PLB1: variants seen among roughly 807,000 people sequenced by gnomAD.
PLB1 encodes phospholipase B1.
A neutral mutation model predicts 227.4 loss-of-function variants in PLB1; 242 were observed. The observed-to-expected ratio is 1.06, with a 90% CI of 0.96 to 1.18. The LOEUF (loss-of-function observed/expected upper bound fraction) is 1.18, where lower values mean the gene tolerates loss of function less well. PLB1 is among the 50% of genes most tolerant of loss of function. PLB1 has a pLI of 0.00. For missense variants in PLB1, 1,858 were observed against 1,816.3 expected (o/e 1.02, Z -0.42); for synonymous variants, 757 against 682.2 (o/e 1.11, Z -1.71).
chr2:28,637,541 TC>T (rs1328114492), intron 56 of PLB1, among the ~76,000 whole-genome samples: 3 of 152,048 alleles, frequency 2.0e-5, no homozygotes, highest in Non-Finnish European at 4.4e-5. Context: ...CTTTCAAACT[TC>T]CAAAGCCTCC....
In PLB1 at chr2:28,644,080, T is replaced by C. The variant is rs1558990877; in HGVS notation, c.*1019T>C. Among the ~76,000 whole-genome samples the C allele has an allele frequency of 6.6e-6, 1 of 152,226 alleles. No individual in the cohort carries two copies. Among genetic ancestry groups the C allele is most frequent in the Non-Finnish European group, 1.5e-5 (1 of 68,044 alleles). ...ACGCCGCAAATTGTTCCATTTAAAATGATTAATTGTGTATCATGTGAATTT... is the reference window on the plus strand; with the variant it reads ...ACGCCGCAAATTGTTCCATTTAAAACGATTAATTGTGTATCATGTGAATTT... On this transcript the variant is annotated 3_prime_UTR_variant, in exon 58 of 58. Transcript: ENST00000327757.
At chr2:28,550,904 A>G (rs4666092) in intron 16 of PLB1, among the ~76,000 whole-genome samples, 134,328 of 152,130 alleles carry the variant, frequency 0.88, 59,654 homozygotes, top group East Asian at 0.99. Flanking sequence ...GTCTGCTACT[A>G]ACCGCTGATG....
Position 28,511,970 on chromosome 2 carries a change from T to TTA in PLB1, c.56-4838_56-4837insTA, listed in dbSNP as rs397747305. ...TGGCTAACTTTTTTTTTTTTTTTTTTAGTAGAGATGAGGTTTCACCATGTT... is the reference window on the plus strand; with the variant it reads ...TGGCTAACTTTTTTTTTTTTTTTTTTTAAGTAGAGATGAGGTTTCACCATGTT... On this transcript the variant is annotated intron_variant, in intron 1 of 57. Transcript: ENST00000327757. Among the ~76,000 whole-genome samples the TTA allele has an allele frequency of 1.5e-4, 22 of 149,354 alleles. No individual in the cohort carries two copies. In the East Asian group the frequency reaches 3.5e-3, roughly 24 times the overall value.
At chr2:28,548,079 C>T (rs1029753256) in intron 14 of PLB1, among the ~76,000 whole-genome samples, 4 of 152,018 alleles carry the variant, frequency 2.6e-5, no homozygotes, top group African/African-American at 7.3e-5. Context: ...GATACTCTAG[C>T]GGTTTGTGAG....
intron 33 of PLB1, among the ~76,000 whole-genome samples, chr2:28,597,264 GAA>G (rs57713254): frequency 8.2e-5 from 7 of 85,534 alleles, no homozygotes; most frequent in Admixed American, 1.5e-4. Context: ...ACTCCGTCTC[GAA>G]AAAAAAAAAA....
At chr2:28,571,415 T>G (rs1174779548) in intron 20 of PLB1, among the ~76,000 whole-genome samples, 1 of 152,184 alleles carries the variant, frequency 6.6e-6, no homozygotes, top group Admixed American at 6.5e-5. Context: ...CCTATCAAAA[T>G]TCCAGCTAGC....
In PLB1 at chr2:28,518,879, A is replaced by G. The variant is rs150175199; in HGVS notation, c.184+347A>G. 2.5e-4 allele frequency among the ~76,000 whole-genome samples: 38 copies of G among 152,242 alleles called. 1 individual carries two copies. Among genetic ancestry groups the G allele is most frequent in the African/African-American group, 8.9e-4 (37 of 41,524 alleles). ...CACAATGGGCTGGGTTTGTCTAATG[A>G]CCTGGATGCTATGAATTCTCTTGAG... On this transcript the variant is annotated intron_variant, in intron 3 of 57. Coordinates refer to ENST00000327757, the MANE Select transcript of PLB1 (RefSeq NM_153021.5).
At chr2:28,627,690 A>G (rs773532221) in intron 51 of PLB1, among the ~76,000 whole-genome samples, 102 of 152,130 alleles carry the variant, frequency 6.7e-4, no homozygotes, top group Non-Finnish European at 8.1e-4. Flanking sequence ...TCCTATGCCC[A>G]TCAGTGTGCT....
intron 17 of PLB1, among the ~76,000 whole-genome samples, chr2:28,556,152 C>T (rs1675079812): frequency 2.6e-5 from 4 of 152,172 alleles, no homozygotes; most frequent in African/African-American, 7.2e-5. Context: ...CATAAGCTAC[C>T]ATACTGGTCC....
chr2:28,554,214 C>T (rs1376636913), intron 17 of PLB1, among the ~76,000 whole-genome samples: 1 of 152,050 alleles, frequency 6.6e-6, no homozygotes, highest in African/African-American at 2.4e-5. Flanking sequence ...TATGTAGACC[C>T]TCCTATAATA....
At chr2:28,593,935 A>G in intron 33 of PLB1, 181 bp downstream of exon 33, 1 of 723,842 alleles carries the variant, frequency 1.4e-6, no homozygotes, top group Non-Finnish European at 2.5e-6. Context: ...AGGATATTTT[A>G]CTGTTGATAA....
At chr2:28,513,264 G>T (rs1450097484) in intron 1 of PLB1, among the ~76,000 whole-genome samples, 1 of 152,188 alleles carries the variant, frequency 6.6e-6, no homozygotes, top group Non-Finnish European at 1.5e-5. Flanking sequence ...CTTTTGGCAG[G>T]CAGTTAGGGA....
At chr2:28,583,275 T>C (rs1664098286) in intron 25 of PLB1, among the ~76,000 whole-genome samples, 1 of 151,770 alleles carries the variant, frequency 6.6e-6, no homozygotes, top group Non-Finnish European at 1.5e-5. Context: ...AGTCTCCGCC[T>C]CCCAGGTTCA....
In PLB1 at chr2:28,579,686, C is replaced by T; in HGVS notation, c.1545C>T (p.Leu515=). The T allele has an allele frequency of 6.2e-7, 1 of 1,613,078 alleles. No homozygotes were observed. ...IITLFIGGND[L]CDFCNDLVHY... Reference sequence around the variant, plus strand: ...CCCTGTTTATAGGCGGCAATGACCTCTGTGATTTCTGCAATGATCTGGTAG... The same window carrying T: ...CCCTGTTTATAGGCGGCAATGACCTTTGTGATTTCTGCAATGATCTGGTAG... The change falls in exon 23 of 58, where the codon CTC becomes CTT. Residue 515 remains leucine (L), a synonymous_variant. Transcript: ENST00000327757.
intron 22 of PLB1, among the ~76,000 whole-genome samples, chr2:28,578,486 T>C (rs1311824189): frequency 6.6e-6 from 1 of 151,986 alleles, no homozygotes; most frequent in African/African-American, 2.4e-5. Context: ...GAAAGGGCTC[T>C]GTATAAGACA....
At chr2:28,551,828 A>T (rs1482320507) in intron 16 of PLB1, among the ~76,000 whole-genome samples, 1 of 152,262 alleles carries the variant, frequency 6.6e-6, no homozygotes, top group Non-Finnish European at 1.5e-5. Context: ...GTTCTATATA[A>T]GTATTGCTAT....
chr2:28,529,322 T>G lies in PLB1; in HGVS notation c.331T>G (p.Ser111Ala). 1 of 1,607,714 alleles carries G rather than the reference T, an allele frequency of 6.2e-7. No homozygotes were observed. The highest frequency in any genetic ancestry group is 8.5e-7 in the Non-Finnish European group (1 of 1,174,240). ...QVCMGVMTVLSDIIRYFSPSV... is the reference protein window; with the variant it reads ...QVCMGVMTVLADIIRYFSPSV... ...CAAACCAGTTCTCTCTTTAGTCCTT[T>G]CAGACATCATCAGATATTTCAGTCC... The change falls in exon 7 of 58, where the codon TCA (serine) becomes GCA (alanine). Residue 111 changes from serine to alanine, a missense_variant. Ser to Ala is a moderately conservative substitution (Grantham distance 99). Coordinates refer to ENST00000327757, the MANE Select transcript of PLB1 (RefSeq NM_153021.5).
At chr2:28,629,657 G>A (rs1347820163) in intron 53 of PLB1, among the ~76,000 whole-genome samples, 1 of 152,204 alleles carries the variant, frequency 6.6e-6, no homozygotes, top group Non-Finnish European at 1.5e-5. Flanking sequence ...GTAGATGTGA[G>A]GTCAAGAGGA....
At chr2:28,554,724 T>C (rs1410363028) in intron 17 of PLB1, among the ~76,000 whole-genome samples, 1 of 152,126 alleles carries the variant, frequency 6.6e-6, no homozygotes, top group African/African-American at 2.4e-5. Flanking sequence ...AAGCATTTTA[T>C]AATCTGTCTA....
Sources: gnomAD v4.1 joint callset for allele counts (sites outside exome capture counted in the v4.1 genomes callset) on GRCh38, gnomAD v4.1.1 for gene constraint, MANE v1.5 for transcripts, NCBI Gene and HGNC (gene_info 2026-07-23, HGNC 2026-07-21) for gene names.